Variants in MDGA2 observed in about 807,000 individuals in gnomAD.
The protein encoded by MDGA2 is MAM domain-containing glycosylphosphatidylinositol anchor protein 2.
A neutral mutation model predicts 117.8 loss-of-function variants in MDGA2; 40 were observed. The observed-to-expected ratio is 0.34, with a 90% CI of 0.26 to 0.44. The LOEUF (loss-of-function observed/expected upper bound fraction) is 0.44. Among genes scored for constraint, MDGA2 ranks in the 20% least tolerant of loss-of-function variants. MDGA2 has a pLI of 1.00. For synonymous variants in MDGA2, 452 were observed against 439.0 expected, an observed-to-expected ratio of 1.03 and a Z score of -0.37; for missense variants, 1,123 against 1,250.6, an observed-to-expected ratio of 0.90 and a Z score of 1.54.
chr14:47,441,738 T>A lies in MDGA2; in HGVS notation c.281-140188A>T, dbSNP rs550481844. Among the ~76,000 whole-genome samples the A allele has an allele frequency of 4.6e-5, 7 of 152,206 alleles. No individual in the cohort carries two copies. In the East Asian group the frequency reaches 1.4e-3, roughly 30 times the overall value. ...ATACTTGGTAGATAAACTACAGAAG[T>A]TAAATATGCTATTATGCCAATTGGT... is the stretch of plus-strand genomic sequence containing the variant. On this transcript the variant is annotated intron_variant, in intron 1 of 16. Transcript: ENST00000399232.
intron 1 of MDGA2, among the ~76,000 whole-genome samples, chr14:47,571,168 G>C (rs1346962555): frequency 1.3e-5 from 2 of 152,102 alleles, no homozygotes; most frequent in Non-Finnish European, 2.9e-5. Context: ...CATCATCACT[G>C]GTCGTTACAG....
intron 1 of MDGA2, among the ~76,000 whole-genome samples, chr14:47,389,622 A>C (rs970263814): frequency 7.2e-6 from 1 of 139,554 alleles, no homozygotes; most frequent in Non-Finnish European, 1.6e-5. Context: ...ACACACACAC[A>C]CACACACACA....
At chr14:47,217,142 C>T (rs1032583483) in intron 3 of MDGA2, among the ~76,000 whole-genome samples, 2 of 151,972 alleles carry the variant, frequency 1.3e-5, no homozygotes, top group Non-Finnish European at 1.5e-5. Context: ...AGGTAACATC[C>T]TATCCTGCAA....
chr14:47,570,435 G>A lies in MDGA2; in HGVS notation c.280+104082C>T, dbSNP rs188879738. 2.0e-3 allele frequency among the ~76,000 whole-genome samples: 308 copies of A among 152,226 alleles called. 1 individual carries two copies. Among genetic ancestry groups the A allele is most frequent in the Admixed American group, 8.0e-3 (123 of 15,280 alleles). On this transcript the variant is annotated intron_variant, in intron 1 of 16. Coordinates refer to ENST00000399232, the MANE Select transcript of MDGA2 (RefSeq NM_001113498.3). ...CAAGTTCTTTAACCTCTTTAAGTCAGTATACTCATGTGCAAAATGAGGATA... is the reference window on the plus strand; with the variant it reads ...CAAGTTCTTTAACCTCTTTAAGTCAATATACTCATGTGCAAAATGAGGATA...
At chr14:47,102,378 CACACACACACACACAA>C (rs1226723039) in intron 5 of MDGA2, among the ~76,000 whole-genome samples, 1 of 149,266 alleles carries the variant, frequency 6.7e-6, no homozygotes, top group Non-Finnish European at 1.5e-5. Flanking sequence ...CACACACACA[CACACACACACACACAA>C]ACACACACAC....
chr14:47,460,443 T>G (rs1312969622), intron 1 of MDGA2, among the ~76,000 whole-genome samples: 1 of 152,148 alleles, frequency 6.6e-6, no homozygotes, highest in African/African-American at 2.4e-5. Flanking sequence ...TTGGTGTATT[T>G]TTGCCTTTCT....
At chr14:46,989,567 G>A (rs1887004424) in intron 8 of MDGA2, among the ~76,000 whole-genome samples, 1 of 152,036 alleles carries the variant, frequency 6.6e-6, no homozygotes, top group Non-Finnish European at 1.5e-5. Context: ...GTTGGCAATA[G>A]CTACTCAATA....
chr14:47,625,014 A>G (rs1453960814), intron 1 of MDGA2, among the ~76,000 whole-genome samples: 4 of 152,162 alleles, frequency 2.6e-5, no homozygotes, highest in Admixed American at 2.0e-4. Context: ...TGAAACTCTC[A>G]TTTTTAAAGT....
chr14:46,957,345 G>GA, intron 9 of MDGA2, 29 bp downstream of exon 9: 1 of 1,598,922 alleles, frequency 6.3e-7, no homozygotes, highest in Non-Finnish European at 8.5e-7. Flanking sequence ...AAAACAAAAT[G>GA]TATAAAAAGA....
chr14:47,228,168 A>T (rs553931999), intron 2 of MDGA2, among the ~76,000 whole-genome samples: 2 of 151,184 alleles, frequency 1.3e-5, no homozygotes, highest in African/African-American at 4.9e-5. Context: ...TCTTAGTTAT[A>T]AAAAAAAATA....
intron 2 of MDGA2, among the ~76,000 whole-genome samples, chr14:47,250,461 G>A (rs1009111277): frequency 1.3e-5 from 2 of 152,312 alleles, no homozygotes; most frequent in African/African-American, 4.8e-5. Flanking sequence ...ATGTATAAAC[G>A]TAATTCCCAA....
At chr14:46,858,477 A>G (rs142396784) in intron 14 of MDGA2, among the ~76,000 whole-genome samples, 29,347 of 137,600 alleles carry the variant, frequency 0.21, 3,288 homozygotes, top group Middle Eastern at 0.45. Context: ...TCCCAGGCTG[A>G]AGTGCAGTGG....
chr14:47,668,965 T>A (rs1898026615), intron 1 of MDGA2, among the ~76,000 whole-genome samples: 1 of 152,152 alleles, frequency 6.6e-6, no homozygotes, highest in African/African-American at 2.4e-5. Flanking sequence ...GAGGATCAAA[T>A]CAGAGAATAT....
At chr14:47,210,998 TAAAA>T (rs1566682512) in intron 3 of MDGA2, among the ~76,000 whole-genome samples, 1 of 152,012 alleles carries the variant, frequency 6.6e-6, no homozygotes, top group African/African-American at 2.4e-5. Context: ...AAATAAAACA[TAAAA>T]AAAGAAAGTT....
chr14:47,423,768 C>G (rs1404991431), intron 1 of MDGA2, among the ~76,000 whole-genome samples: 4 of 151,954 alleles, frequency 2.6e-5, no homozygotes, highest in African/African-American at 9.7e-5. Context: ...GTTCTGAGAA[C>G]TAACACACTG....
At chr14:46,882,304 T>A in intron 10 of MDGA2, 83 bp from the exon 11 acceptor site, 1 of 1,230,976 alleles carries the variant, frequency 8.1e-7, no homozygotes, top group Non-Finnish European at 1.1e-6. Flanking sequence ...TTTTGAAATT[T>A]TATTAAATCA....
intron 1 of MDGA2, among the ~76,000 whole-genome samples, chr14:47,611,136 G>A (rs1229350983): frequency 6.6e-6 from 1 of 152,054 alleles, no homozygotes. Context: ...AAATGGTGCT[G>A]GGATAATTGG....
rs1350973356 is a variant in MDGA2 at position 47,674,585 on chromosome 14, T to C, written c.212A>G (p.Asp71Gly). Residue 71 changes from aspartate (D) to glycine (G), a missense_variant, in exon 1 of 17, where the codon GAT (aspartate) becomes GGT (glycine). Asp to Gly is a moderately conservative substitution (Grantham distance 94). This residue lies in a region of MDGA2 where 233 missense variants were observed against 200.3 expected (regional missense o/e 1.16). Transcript: ENST00000399232. The stretch of plus-strand genomic sequence containing the variant: ...CAGCCACACGAGACCGTACAGTAAA[T>C]CCATCTTCACGTGAACATGAACATA... Reference protein sequence around the residue: ...AGYVHVHVKMDLLYGLVWLLT... With the variant: ...AGYVHVHVKMGLLYGLVWLLT... 6.4e-7 allele frequency: 1 copy of C among 1,551,286 alleles called. No individual in the cohort carries two copies. The highest frequency in any genetic ancestry group is 8.7e-7 in the Non-Finnish European group (1 of 1,146,782).
chr14:47,186,846 G>C (rs1458492200), intron 3 of MDGA2, among the ~76,000 whole-genome samples: 1 of 151,708 alleles, frequency 6.6e-6, no homozygotes, highest in Non-Finnish European at 1.5e-5. Context: ...GATTTTCTAG[G>C]ATTATTATGT....
Sources: gnomAD v4.1 joint callset for allele counts (sites outside exome capture counted in the v4.1 genomes callset) on GRCh38, gnomAD v4.1.1 for gene constraint, gnomAD v4.1.1 regional missense constraint, MANE v1.5 for transcripts, NCBI Gene and HGNC (gene_info 2026-07-23, HGNC 2026-07-21) for gene names.